Variants in RAD54B observed in about 807,000 individuals in gnomAD.
RAD54B encodes the protein DNA repair and recombination protein RAD54B.
Under a neutral mutation model 95.8 loss-of-function variants are expected in RAD54B, and 78 were observed. That is an observed-to-expected ratio of 0.81 (90% CI 0.68 to 0.98). RAD54B has a LOEUF of 0.98. RAD54B is among the 50% of genes least tolerant of loss of function. The probability of loss-of-function intolerance (pLI) is 0.00; values close to 1 mark genes in which losing one functional copy is unlikely to be tolerated. For missense variants in RAD54B, 957 were observed against 1,056.6 expected (o/e 0.91, Z 1.31); for synonymous variants, 328 against 354.9 (o/e 0.92, Z 0.85).
At chr8:94,423,981 G>A (rs1811882687) in intron 3 of RAD54B, among the ~76,000 whole-genome samples, 1 of 152,090 alleles carries the variant, frequency 6.6e-6, no homozygotes, top group Non-Finnish European at 1.5e-5. Flanking sequence ...AAAAGACTGG[G>A]AAAAACATCC....
chr8:94,391,311 T>C (rs1298217281), intron 10 of RAD54B, among the ~76,000 whole-genome samples: 1 of 151,184 alleles, frequency 6.6e-6, no homozygotes, highest in Admixed American at 6.6e-5. Flanking sequence ...TAACATAAAA[T>C]AGGAAGGGAG....
chr8:94,463,638 G>A lies in RAD54B; in HGVS notation c.135+3767C>T, dbSNP rs1812954597. 2.0e-5 allele frequency among the ~76,000 whole-genome samples: 3 copies of A among 151,838 alleles called. No individual in the cohort carries two copies. In the South Asian group the frequency reaches 6.2e-4, roughly 32 times the overall value. ...CTCACATCTGTAATTCCAACACTTT[G>A]GGAGGCTGAGGAGAGGACTGCTTGA... is the stretch of plus-strand genomic sequence containing the variant. On this transcript the variant is annotated intron_variant, in intron 2 of 14. Coordinates refer to ENST00000336148, the MANE Select transcript of RAD54B (RefSeq NM_012415.3).
chr8:94,396,853 G>C (rs905112338), intron 8 of RAD54B, among the ~76,000 whole-genome samples: 1 of 152,012 alleles, frequency 6.6e-6, no homozygotes, highest in African/African-American at 2.4e-5. Context: ...CAATATGACT[G>C]GTGTCCTTCT....
intron 3 of RAD54B, among the ~76,000 whole-genome samples, chr8:94,433,624 C>A (rs1277633485): frequency 6.6e-6 from 1 of 151,700 alleles, no homozygotes; most frequent in African/African-American, 2.4e-5. Flanking sequence ...ATGCAATAAA[C>A]CTTAAAATTC....
At chr8:94,426,678 G>C (rs1451063038) in intron 3 of RAD54B, among the ~76,000 whole-genome samples, 1 of 152,006 alleles carries the variant, frequency 6.6e-6, no homozygotes, top group Admixed American at 6.6e-5. Flanking sequence ...TTTAAATTAG[G>C]ACAATGGTTG....
intron 5 of RAD54B, among the ~76,000 whole-genome samples, chr8:94,405,477 T>G (rs1462722957): frequency 1.3e-5 from 2 of 152,222 alleles, no homozygotes; most frequent in Non-Finnish European, 2.9e-5. Context: ...TGTTTACCAT[T>G]AACAAATACC....
chr8:94,426,443 T>C (rs907953157), intron 3 of RAD54B, among the ~76,000 whole-genome samples: 1 of 152,086 alleles, frequency 6.6e-6, no homozygotes, highest in Non-Finnish European at 1.5e-5. Context: ...AGCCAAAGTA[T>C]GGAAATTGCC....
chr8:94,409,353 A>G (rs1333168470), intron 4 of RAD54B, among the ~76,000 whole-genome samples: 4 of 151,414 alleles, frequency 2.6e-5, no homozygotes, highest in Non-Finnish European at 5.9e-5. Context: ...GAGTCTGGGC[A>G]TCGGCATTTC....
At chr8:94,418,953 G>C (rs78072745) in intron 3 of RAD54B, among the ~76,000 whole-genome samples, 4,436 of 152,104 alleles carry the variant, frequency 0.029, 82 homozygotes, top group Non-Finnish European at 0.043. Context: ...GCTGCAATTT[G>C]AATTTGATTA....
intron 3 of RAD54B, chr8:94,432,047 C>T (rs1475690124): frequency 1.2e-5 from 17 of 1,439,914 alleles, no homozygotes; most frequent in Admixed American, 2.9e-5. Context: ...TTTTCAAGAA[C>T]GTGTATTCTG....
At chr8:94,428,461 A>G (rs1811999914) in intron 3 of RAD54B, 1 of 318,382 alleles carries the variant, frequency 3.1e-6, no homozygotes, top group Admixed American at 6.5e-5. Flanking sequence ...ATTCACATAC[A>G]ATTTACACAC....
intron 3 of RAD54B, among the ~76,000 whole-genome samples, chr8:94,452,340 T>TAGC (rs955089544): frequency 6.6e-6 from 1 of 152,242 alleles, no homozygotes; most frequent in Non-Finnish European, 1.5e-5. Context: ...CTTTATCATA[T>TAGC]AGCAGCCTGT....
At chr8:94,409,905 C>T (rs118132842) in intron 4 of RAD54B, among the ~76,000 whole-genome samples, 4 of 152,268 alleles carry the variant, frequency 2.6e-5, no homozygotes, top group Non-Finnish European at 5.9e-5. Flanking sequence ...AACAAATTCT[C>T]CAAAAATCTA....
At position 94,393,732 on chromosome 8, in the gene RAD54B, G is replaced by A. The variant is rs1811075009; in HGVS notation, c.1518+11C>T. 1 of 1,550,966 alleles carries A rather than the reference G, an allele frequency of 6.4e-7. No homozygotes were observed. Among genetic ancestry groups the A allele is most frequent in the Non-Finnish European group, 8.8e-7 (1 of 1,134,108 alleles). ...GCTTTTTAAAAACCTATTTATTAGA[G>A]TAAATTATACCTCAGAAGCAGAAGG... On this transcript the variant is annotated intron_variant, in intron 9 of 14. Coordinates refer to ENST00000336148, the MANE Select transcript of RAD54B (RefSeq NM_012415.3).
intron 7 of RAD54B, 61 bp from the exon 8 acceptor site, chr8:94,399,682 A>C: frequency 6.7e-7 from 1 of 1,502,128 alleles, no homozygotes; most frequent in Non-Finnish European, 8.8e-7. Context: ...ATCAAATTTA[A>C]GCAGCCTATT....
chr8:94,450,085 C>A (rs1184552045), intron 3 of RAD54B, among the ~76,000 whole-genome samples: 1 of 152,122 alleles, frequency 6.6e-6, no homozygotes, highest in African/African-American at 2.4e-5. Context: ...TAAAAGAGCC[C>A]TAAAGGACAA....
intron 3 of RAD54B, chr8:94,436,877 T>C: frequency 5.3e-6 from 8 of 1,500,922 alleles, no homozygotes; most frequent in Non-Finnish European, 7.1e-6. Context: ...ATTGTTCTTT[T>C]CAAATTAAGT....
intron 3 of RAD54B, among the ~76,000 whole-genome samples, chr8:94,449,000 C>T (rs990670824): frequency 6.6e-6 from 1 of 151,760 alleles, no homozygotes; most frequent in Non-Finnish European, 1.5e-5. Flanking sequence ...ATTTTACTGT[C>T]TCTATATATG....
intron 3 of RAD54B, among the ~76,000 whole-genome samples, chr8:94,445,339 G>A (rs745577068): frequency 6.6e-6 from 1 of 152,096 alleles, no homozygotes; most frequent in Non-Finnish European, 1.5e-5. Context: ...ACATATAAAT[G>A]TGGGGGAAAA....
Sources: allele counts gnomAD v4.1 joint callset (sites outside exome capture counted in the v4.1 genomes callset), GRCh38; gene constraint gnomAD v4.1.1; transcripts MANE v1.5; gene names NCBI Gene and HGNC (gene_info 2026-07-23, HGNC 2026-07-21).